Variants in PNISR observed in about 807,000 individuals in gnomAD.
PNISR encodes arginine/serine-rich protein PNISR.
In PNISR, 20 loss-of-function variants were observed where a neutral mutation model predicts 93.4. That is an observed-to-expected ratio of 0.21 (90% CI 0.15 to 0.31). The LOEUF (loss-of-function observed/expected upper bound fraction) is 0.31, where lower values mean the gene tolerates loss of function less well. PNISR is among the 10% of genes least tolerant of loss of function. The probability of loss-of-function intolerance (pLI) is 1.00; values close to 1 mark genes in which losing one functional copy is unlikely to be tolerated. For synonymous variants in PNISR, 305 were observed against 306.5 expected, an observed-to-expected ratio of 0.99 and a Z score of 0.05; for missense variants, 893 against 985.4, an observed-to-expected ratio of 0.91 and a Z score of 1.25.
chr6:99,405,403 G>T (rs1776031867), intron 8 of PNISR, among the ~76,000 whole-genome samples: 1 of 151,986 alleles, frequency 6.6e-6, no homozygotes. Context: ...GGAGGCAGAG[G>T]TTGCAGTGAG....
chr6:99,417,293 C>T (rs769127189), intron 1 of PNISR, among the ~76,000 whole-genome samples: 2 of 152,138 alleles, frequency 1.3e-5, no homozygotes, highest in Non-Finnish European at 2.9e-5. Flanking sequence ...CCAGAAATTA[C>T]TCTAAATAAA....
rs1285254348 is a variant in PNISR at position 99,399,242 on chromosome 6, T to TA, written c.*1297dup. On this transcript the variant is annotated 3_prime_UTR_variant, in exon 12 of 12. Transcript: ENST00000369239. ...ATTTATCACTGAGTAAGTGATTACATAAAAAAATGGACCCTAAAGCAACTG... is the reference window on the plus strand; with the variant it reads ...ATTTATCACTGAGTAAGTGATTACATAAAAAAAATGGACCCTAAAGCAACTG... The TA allele has an allele frequency of 6.6e-6, 1 of 152,082 alleles. No homozygotes were observed. Among genetic ancestry groups the TA allele is most frequent in the Non-Finnish European group, 1.5e-5 (1 of 67,974 alleles). The allele number at this position is 152,082 out of a possible 1,614,324, so 9.4% of individuals were successfully genotyped here.
At position 99,400,991 on chromosome 6, in the gene PNISR, T is replaced by C; in HGVS notation, c.1967A>G (p.His656Arg). ...CTCTTGTTCTTTAGCCTCACCTTTA[T>C]GCTTATGACTGTTCCCACTAAGATT... Reference protein sequence around the residue: ...RGNLSGNSHKHKGEAKEQERK... With the variant: ...RGNLSGNSHKRKGEAKEQERK... Residue 656 changes from histidine (H) to arginine (R), a missense_variant, in exon 12 of 12, where the codon CAT becomes CGT. Physicochemically the swap from His to Arg is conservative, Grantham distance 29. Around this residue, in one of 3 missense-constraint regions of PNISR, gnomAD observed 866 missense variants for 935.1 expected, o/e 0.93. Coordinates refer to ENST00000369239, the MANE Select transcript of PNISR (RefSeq NM_032870.4). The C allele has an allele frequency of 6.2e-7, 1 of 1,613,338 alleles. No homozygotes were observed. The highest frequency in any genetic ancestry group is 8.5e-7 in the Non-Finnish European group (1 of 1,179,362).
chr6:99,398,687 TTTCAC>T lies in PNISR; in HGVS notation c.*1848_*1852del, dbSNP rs1775131182. On this transcript the variant is annotated 3_prime_UTR_variant, in exon 12 of 12. Coordinates refer to ENST00000369239, the MANE Select transcript of PNISR (RefSeq NM_032870.4). ...TCTGTAGAATTTTATTTTGAAAATA[TTTCAC>T]TTCAAGATTGATCTAAAAAACATTT... 1 of 152,098 alleles carries T rather than the reference TTTCAC, an allele frequency of 6.6e-6. No homozygotes were observed. Among genetic ancestry groups the T allele is most frequent in the African/African-American group, 2.4e-5 (1 of 41,448 alleles). 9.4% of individuals were successfully genotyped at this position (152,098 alleles called of 1,614,324 possible).
rs1775497051 is a variant in PNISR, at chr6:99,401,504, G to C, written c.1454C>G (p.Thr485Ser). 6.2e-7 allele frequency: 1 copy of C among 1,612,934 alleles called. No individual in the cohort carries two copies. Among genetic ancestry groups the C allele is most frequent in the African/African-American group, 1.3e-5 (1 of 74,720 alleles). Reference sequence around the variant, plus strand: ...TAAAACTGATGTGGTTTCATTTGGAGTTCTCTTCTTTTCATTAACCACATC... The same window carrying C: ...TAAAACTGATGTGGTTTCATTTGGACTTCTCTTCTTTTCATTAACCACATC... ...DGDVVNEKKR[T>S]PNETTSVLEP... The change falls in exon 12 of 12, where the codon ACT (threonine) becomes AGT (serine). Residue 485 changes from threonine to serine, a missense_variant. Physicochemically the swap from Thr to Ser is moderately conservative, Grantham distance 58 (BLOSUM62 1). Transcript: ENST00000369239.
At chr6:99,413,438 T>C (rs371005976) in intron 3 of PNISR, among the ~76,000 whole-genome samples, 119 of 142,496 alleles carry the variant, frequency 8.4e-4, no homozygotes, top group African/African-American at 1.8e-3. Flanking sequence ...ATCCATCCAT[T>C]CATCCATGAT....
At chr6:99,425,108 A>G in intron 1 of PNISR, 107 bp downstream of exon 1, 1 of 695,100 alleles carries the variant, frequency 1.4e-6, no homozygotes, top group Non-Finnish European at 2.0e-6. Flanking sequence ...CGGTCGCGCC[A>G]AGCAGCGTAC....
chr6:99,405,543 C>T (rs1776051060), intron 8 of PNISR, among the ~76,000 whole-genome samples: 1 of 152,096 alleles, frequency 6.6e-6, no homozygotes, highest in South Asian at 2.1e-4. Flanking sequence ...GTATAGTAGA[C>T]ACACTGAATT....
chr6:99,410,675 T>G, intron 5 of PNISR, 66 bp downstream of exon 5: 4 of 1,143,484 alleles, frequency 3.5e-6, no homozygotes, highest in Non-Finnish European at 5.2e-6. Flanking sequence ...GTATTCTTGA[T>G]GAGACACTTC....
chr6:99,403,063 C>A lies in PNISR; in HGVS notation c.1157-353G>T, dbSNP rs190719046. On this transcript the variant is annotated intron_variant, in intron 10 of 11. Transcript: ENST00000369239. ...ACCCTGAAAGTATTTCTAAAATTAA[C>A]TTTTATTGTTCAAAGTTTAGAAATC... is the stretch of plus-strand genomic sequence containing the variant. 3.0e-4 allele frequency: 48 copies of A among 160,360 alleles called. No homozygotes were observed. In the East Asian group the frequency reaches 5.9e-3, roughly 20 times the overall value. 9.9% of individuals were successfully genotyped at this position (160,360 alleles called of 1,614,324 possible). A position where few individuals can be genotyped will look rare whatever the true frequency, so the allele number is the denominator to read the frequency against.
rs749810815 is a variant in PNISR, at chr6:99,401,158, A to G, written c.1800T>C (p.Asn600=). 4.3e-6 allele frequency: 7 copies of G among 1,613,860 alleles called. No homozygotes were observed. In the South Asian group the frequency reaches 4.4e-5, roughly 10 times the overall value. ...KIRDRRRSNR[N]SIERERRRNR... ...TTCGTCGTCTTTCTCTTTCAATGCT[A>G]TTTCTATTAGATCTCCTTCTATCTC... The change falls in exon 12 of 12, where the codon AAT becomes AAC. Residue 600 remains asparagine, a synonymous_variant. Transcript: ENST00000369239.
chr6:99,410,932 G>C lies in PNISR; in HGVS notation c.310C>G (p.Pro104Ala). The C allele has an allele frequency of 4.3e-6, 7 of 1,613,970 alleles. No homozygotes were observed. The highest frequency in any genetic ancestry group is 3.3e-5 in the South Asian group (3 of 91,068). ...WGMHQQPPHP[P>A]PDQPWMPPTP... ...GGTGGCATCCATGGCTGATCTGGAG[G>C]GGGGTGTGGGGGTTGCTGATGCATT... The change falls in exon 5 of 12, where the codon CCT becomes GCT. Residue 104 changes from proline (P) to alanine (A), a missense_variant. By Grantham distance (27) the Pro-to-Ala change is conservative (BLOSUM62 -1). Coordinates refer to ENST00000369239, the MANE Select transcript of PNISR (RefSeq NM_032870.4).
In PNISR at chr6:99,398,353, A is replaced by G. The variant is rs1366355925; in HGVS notation, c.*2187T>C. The G allele has an allele frequency of 6.6e-6, 1 of 152,114 alleles. No homozygotes were observed. The highest frequency in any genetic ancestry group is 2.4e-5 in the African/African-American group (1 of 41,450). 9.4% of individuals were successfully genotyped at this position (152,114 alleles called of 1,614,324 possible). ...AACTTATGTGTAAGTTTTTGCATTC[A>G]CATCCTAAATCATGGAAACCCTACC... On this transcript the variant is annotated 3_prime_UTR_variant, in exon 12 of 12. Transcript: ENST00000369239.
Position 99,401,294 on chromosome 6 carries a change from T to C in PNISR, c.1664A>G (p.Lys555Arg), listed in dbSNP as rs1394552349. 1 of 1,614,106 alleles carries C rather than the reference T, an allele frequency of 6.2e-7. No individual in the cohort carries two copies. Among genetic ancestry groups the C allele is most frequent in the Admixed American group, 1.7e-5 (1 of 60,012 alleles). The change falls in exon 12 of 12, where the codon AAA becomes AGA. Residue 555 changes from lysine (K) to arginine (R), a missense_variant. This residue lies in a region of PNISR where 866 missense variants were observed against 935.1 expected (regional missense o/e 0.93). Coordinates refer to ENST00000369239, the MANE Select transcript of PNISR (RefSeq NM_032870.4). ...AGATCTACTCCTACTGTGTCTCTTT[T>C]TCCTTTTAGGAGAAGAAGACCGAGA... is the stretch of plus-strand genomic sequence containing the variant. ...TSSRSSSPKR[K>R]KRHSRSRSPT...
Position 99,412,219 on chromosome 6 carries a change from C to T in PNISR, c.277+332G>A, listed in dbSNP as rs1021220646. ...CTAGACATGTTTTACTCTGCCAGTG[C>T]TGCTTCTGAAAAGGCCAGAGGTTGC... On this transcript the variant is annotated intron_variant, in intron 4 of 11. Transcript: ENST00000369239. 6.0e-6 allele frequency: 3 copies of T among 496,638 alleles called. No homozygotes were observed. In the Admixed American group the frequency reaches 6.9e-5, roughly 11 times the overall value. The allele number at this position is 496,638 out of a possible 1,614,324, so 30.8% of individuals were successfully genotyped here. A position where few individuals can be genotyped will look rare whatever the true frequency, so the allele number is the denominator to read the frequency against.
rs144702902 is a variant in PNISR at position 99,401,094 on chromosome 6, G to T, written c.1864C>A (p.Arg622Ser). 44 of 1,613,628 alleles carry T rather than the reference G, an allele frequency of 2.7e-5. No homozygotes were observed. In the Admixed American group the frequency reaches 5.3e-4, roughly 20 times the overall value. Reference protein sequence around the residue: ...PSRERRRSRSRSRDRRTNRAS... With the variant: ...PSRERRRSRSSSRDRRTNRAS... ...CGATTGGTTCGTCTATCCCTTGAGC[G>T]ACTTCTACTTCTACGTCTCTCTCGG... The change falls in exon 12 of 12, where the codon CGC becomes AGC. Residue 622 changes from arginine to serine, a missense_variant. Around this residue, in one of 3 missense-constraint regions of PNISR, gnomAD observed 866 missense variants for 935.1 expected, o/e 0.93. Transcript: ENST00000369239.
chr6:99,405,500 C>T (rs972773071), intron 8 of PNISR, among the ~76,000 whole-genome samples: 5 of 151,936 alleles, frequency 3.3e-5, no homozygotes, highest in South Asian at 2.1e-4. Context: ...CGAAATCATA[C>T]GGATCAAAGA....
Position 99,400,868 on chromosome 6 carries a change from C to T in PNISR, c.2090G>A (p.Arg697Lys), listed in dbSNP as rs1342169650. The T allele has an allele frequency of 1.3e-6, 2 of 1,595,380 alleles. No homozygotes were observed. Among genetic ancestry groups the T allele is most frequent in the East Asian group, 2.2e-5 (1 of 44,786 alleles). ...EQDKRKEKQKREEKDFKFSSQ... is the reference protein window; with the variant it reads ...EQDKRKEKQKKEEKDFKFSSQ... The stretch of plus-strand genomic sequence containing the variant: ...ACTGAACTTAAAATCTTTTTCTTCC[C>T]TTTTTTGTTTCTCTTTTCTTTTATC... The change falls in exon 12 of 12, where the codon AGG becomes AAG. Residue 697 changes from arginine to lysine, a missense_variant. By Grantham distance (26) the Arg-to-Lys change is conservative. This residue lies in a region of PNISR where 866 missense variants were observed against 935.1 expected (regional missense o/e 0.93). Coordinates refer to ENST00000369239, the MANE Select transcript of PNISR (RefSeq NM_032870.4).
Position 99,398,953 on chromosome 6 carries a change from T to C in PNISR, c.*1587A>G, listed in dbSNP as rs1775154791. On this transcript the variant is annotated 3_prime_UTR_variant, in exon 12 of 12. Transcript: ENST00000369239. ...CTGTAAACAGCCATTTTGGTAAACA[T>C]GCATTTATTCACAGTTGATTTATTT... 1 of 152,094 alleles carries C rather than the reference T, an allele frequency of 6.6e-6. No individual in the cohort carries two copies. Among genetic ancestry groups the C allele is most frequent in the African/African-American group, 2.4e-5 (1 of 41,448 alleles). The allele number at this position is 152,094 out of a possible 1,614,324, so 9.4% of individuals were successfully genotyped here. A position where few individuals can be genotyped will look rare whatever the true frequency, so the allele number is the denominator to read the frequency against.
Sources: gnomAD v4.1 joint callset for allele counts (sites outside exome capture counted in the v4.1 genomes callset) on GRCh38, gnomAD v4.1.1 for gene constraint, gnomAD v4.1.1 regional missense constraint, MANE v1.5 for transcripts, NCBI Gene and HGNC (gene_info 2026-07-23, HGNC 2026-07-21) for gene names.